PDE4D: variants seen among roughly 807,000 people sequenced by gnomAD.
PDE4D encodes 3',5'-cyclic-AMP phosphodiesterase 4D.
Under a neutral mutation model 87.4 loss-of-function variants are expected in PDE4D, and 24 were observed. That is an observed-to-expected ratio of 0.27 (90% CI 0.20 to 0.39). PDE4D has a LOEUF of 0.39. Among genes scored for constraint, PDE4D ranks in the 10% least tolerant of loss-of-function variants. The pLI, the probability that PDE4D is intolerant of heterozygous loss-of-function variation, is 1.00. For missense variants in PDE4D, 714 were observed against 1,041.0 expected (o/e 0.69, Z 4.32); for synonymous variants, 384 against 383.2 (o/e 1.00, Z -0.02).
intron 1 of PDE4D, among the ~76,000 whole-genome samples, chr5:59,513,369 T>C (rs779879682): frequency 1.2e-4 from 19 of 152,180 alleles, no homozygotes; most frequent in Non-Finnish European, 2.1e-4. Flanking sequence ...GCACATCATC[T>C]AGATGATAGG....
At chr5:59,612,375 G>A (rs949565961) in intron 1 of PDE4D, among the ~76,000 whole-genome samples, 7 of 151,966 alleles carry the variant, frequency 4.6e-5, no homozygotes, top group Admixed American at 4.6e-4. Context: ...ATATGGGCAA[G>A]TCTGACAATC....
chr5:60,338,843 C>A (rs534737717), intron 1 of PDE4D, among the ~76,000 whole-genome samples: 4 of 152,136 alleles, frequency 2.6e-5, no homozygotes, highest in African/African-American at 9.6e-5. Flanking sequence ...AGGAGAGGGG[C>A]CTGAATCCCT....
intron 5 of PDE4D, among the ~76,000 whole-genome samples, chr5:59,169,550 G>C (rs1214551394): frequency 6.6e-6 from 1 of 152,158 alleles, no homozygotes; most frequent in African/African-American, 2.4e-5. Flanking sequence ...GGATGACGAA[G>C]TCAGCACAGA....
chr5:60,114,534 C>T (rs1233868191), intron 2 of PDE4D, among the ~76,000 whole-genome samples: 1 of 152,060 alleles, frequency 6.6e-6, no homozygotes, highest in Non-Finnish European at 1.5e-5. Flanking sequence ...GAGGTCAAGA[C>T]ATTATGATGA....
At chr5:59,655,230 C>G (rs1382125644) in intron 1 of PDE4D, among the ~76,000 whole-genome samples, 2 of 152,004 alleles carry the variant, frequency 1.3e-5, no homozygotes, top group Non-Finnish European at 2.9e-5. Flanking sequence ...TAGACCAAAG[C>G]TCCTACTTAA....
At chr5:59,681,702 C>T (rs1030969918) in intron 1 of PDE4D, among the ~76,000 whole-genome samples, 1 of 151,862 alleles carries the variant, frequency 6.6e-6, no homozygotes, top group Non-Finnish European at 1.5e-5. Flanking sequence ...AGATGGAGAC[C>T]GTCCTGGCTA....
At chr5:59,916,659 A>C (rs1219230997) in intron 3 of PDE4D, among the ~76,000 whole-genome samples, 1 of 152,236 alleles carries the variant, frequency 6.6e-6, no homozygotes, top group African/African-American at 2.4e-5. Flanking sequence ...AATTGTTAAC[A>C]CTGATATGTT....
At chr5:59,781,853 C>G (rs1208695639) in intron 1 of PDE4D, among the ~76,000 whole-genome samples, 1 of 147,456 alleles carries the variant, frequency 6.8e-6, no homozygotes, top group Non-Finnish European at 1.5e-5. Flanking sequence ...ATTTCCATTT[C>G]CATTGTATAA....
chr5:59,874,819 CTG>C (rs1163931506), intron 1 of PDE4D, among the ~76,000 whole-genome samples: 6 of 152,166 alleles, frequency 3.9e-5, no homozygotes, highest in Non-Finnish European at 7.3e-5. Flanking sequence ...ATTAATCTGA[CTG>C]TGAAATGATT....
rs545668604 is a variant in PDE4D at position 60,237,706 on chromosome 5, G to T, written c.-89-52019C>A. Among the ~76,000 whole-genome samples, 85 of 151,980 alleles carry T rather than the reference G, an allele frequency of 5.6e-4. 1 individual carries two copies. The highest frequency in any genetic ancestry group is 7.0e-4 in the African/African-American group (29 of 41,504). On this transcript the variant is annotated intron_variant, in intron 1 of 16. Transcript: ENST00000502484. ...GCTGTTCTGAATCTTGATTGAAGTG[G>T]TGATTACACAAATCTACACATGTAA...
At chr5:59,601,838 A>T (rs568212431) in intron 1 of PDE4D, among the ~76,000 whole-genome samples, 1 of 152,168 alleles carries the variant, frequency 6.6e-6, no homozygotes, top group African/African-American at 2.4e-5. Context: ...GTTAATAGAA[A>T]TTTTTCTAAA....
At chr5:59,278,438 T>C (rs987033608) in intron 1 of PDE4D, among the ~76,000 whole-genome samples, 10 of 152,144 alleles carry the variant, frequency 6.6e-5, no homozygotes, top group African/African-American at 2.4e-4. Context: ...TTGTACTGAA[T>C]TGTATAATGT....
chr5:59,111,574 C>T (rs1302356237), intron 5 of PDE4D, among the ~76,000 whole-genome samples: 3 of 152,026 alleles, frequency 2.0e-5, no homozygotes, highest in Non-Finnish European at 4.4e-5. Context: ...AAAAAAAAAG[C>T]CATACTTTCT....
intron 1 of PDE4D, among the ~76,000 whole-genome samples, chr5:60,263,685 C>T (rs1221994337): frequency 6.6e-6 from 1 of 152,148 alleles, no homozygotes; most frequent in East Asian, 1.9e-4. Context: ...TATTTTGTCT[C>T]CTATGAACAA....
Position 59,512,226 on chromosome 5 carries a change from C to G in PDE4D, c.456-296258G>C, listed in dbSNP as rs976407862. Among the ~76,000 whole-genome samples the G allele has an allele frequency of 4.6e-5, 7 of 152,104 alleles. 1 individual carries two copies. Among genetic ancestry groups the G allele is most frequent in the Admixed American group, 4.6e-4 (7 of 15,262 alleles). On this transcript the variant is annotated intron_variant, in intron 1 of 14. Transcript: ENST00000340635. ...TTCTAAAAATATTCATAGACTACAC[C>G]CTTTTGAATGCTGTGGCAACTTATC...
At chr5:60,366,935 A>G (rs1383224258) in intron 1 of PDE4D, among the ~76,000 whole-genome samples, 3 of 152,242 alleles carry the variant, frequency 2.0e-5, no homozygotes, top group Admixed American at 2.0e-4. Context: ...AACAGATTCT[A>G]GAACTTTTGA....
At position 59,586,276 on chromosome 5, in the gene PDE4D, C is replaced by T. The variant is rs1035321; in HGVS notation, c.455+306892G>A. The T allele has an allele frequency of 0.099, 133,122 of 1,349,628 alleles. 7,417 individuals are homozygous for T. The highest frequency in any genetic ancestry group is 0.17 in the Admixed American group (9,791 of 58,996). 83.6% of individuals were successfully genotyped at this position (1,349,628 alleles called of 1,614,324 possible). On this transcript the variant is annotated intron_variant, in intron 1 of 14. Transcript: ENST00000340635. ...ACAAATCCTCATCTGGTACCTGTCA[C>T]GGAATTTGATAATTCTGAGTTTTAC...
intron 1 of PDE4D, among the ~76,000 whole-genome samples, chr5:59,852,315 G>A (rs747492250): frequency 4.6e-5 from 7 of 152,048 alleles, no homozygotes; most frequent in East Asian, 1.9e-4. Context: ...AAAAGGATAC[G>A]TTGGGAATGA....
At chr5:59,524,533 G>C (rs1812742982) in intron 1 of PDE4D, among the ~76,000 whole-genome samples, 1 of 152,174 alleles carries the variant, frequency 6.6e-6, no homozygotes, top group South Asian at 2.1e-4. Context: ...TTTGCAGCCT[G>C]ATGATGTAAT....
Sources: allele counts gnomAD v4.1 joint callset (sites outside exome capture counted in the v4.1 genomes callset), GRCh38; gene constraint gnomAD v4.1.1; transcripts MANE v1.5; gene names NCBI Gene and HGNC (gene_info 2026-07-23, HGNC 2026-07-21).